TPM2: variants seen among roughly 807,000 people sequenced by gnomAD.
The protein encoded by TPM2 is tropomyosin beta chain.
A neutral mutation model predicts 41.0 loss-of-function variants in TPM2; 26 were observed. The ratio of observed to expected loss-of-function variants is 0.63; its 90% CI spans 0.46 to 0.88. The LOEUF is 0.88. Ranked by LOEUF, TPM2 falls within the 40% of genes least tolerant of loss-of-function variation. The pLI, the probability that TPM2 is intolerant of heterozygous loss-of-function variation, is 0.00. For synonymous variants in TPM2, 143 were observed against 139.3 expected, an observed-to-expected ratio of 1.03 and a Z score of -0.19; for missense variants, 187 against 355.2, an observed-to-expected ratio of 0.53 and a Z score of 3.81.
At chr9:35,683,263 G>A (rs1304879547) in intron 8 of TPM2, 22 bp from the exon 9 acceptor site, 2 of 1,547,928 alleles carry the variant, frequency 1.3e-6, no homozygotes, top group Non-Finnish European at 1.7e-6. Context: ...CCAGGGAGGG[G>A]ACCAGGTGGG....
In TPM2 at chr9:35,686,349, A is replaced by G. The variant is rs1009369038; in HGVS notation, c.241-569T>C. On this transcript the variant is annotated intron_variant, in intron 2 of 8. Transcript: ENST00000645482. The stretch of plus-strand genomic sequence containing the variant: ...GTGCACAGTTAGTCTCCCAAAGGTC[A>G]CCTGCACACAAGTCCTCCTGTTCCC... The G allele has an allele frequency of 4.2e-5, 7 of 166,592 alleles. No individual in the cohort carries two copies. The South Asian group carries it at 1.0e-3, about 25-fold the overall frequency. The allele number at this position is 166,592 out of a possible 1,614,324, so 10.3% of individuals were successfully genotyped here.
intron 2 of TPM2, among the ~76,000 whole-genome samples, chr9:35,686,003 C>A (rs1824884424): frequency 6.6e-6 from 1 of 152,242 alleles, no homozygotes; most frequent in African/African-American, 2.4e-5. Flanking sequence ...GTAATCCCCG[C>A]ACTCTGGGAG....
intron 2 of TPM2, among the ~76,000 whole-genome samples, chr9:35,688,357 G>A (rs1389473512): frequency 6.6e-6 from 1 of 152,212 alleles, no homozygotes; most frequent in Admixed American, 6.5e-5. Flanking sequence ...AATCCTGGGT[G>A]GAAGGAAGAT....
downstream of TPM2, chr9:35,682,340 C>T (rs1824612181): frequency 1.0e-6 from 1 of 962,334 alleles, no homozygotes. Context: ...ATGAGGGGAA[C>T]AGGACGGACG....
rs1441223471 is a variant in TPM2, at chr9:35,689,903, G to C, written c.-86C>G. ...GAGCGGACTGGGTGCACCGGTGGCA[G>C]GCGAGGAGGACGGAGCGGGACTGGG... On this transcript the variant is annotated 5_prime_UTR_variant, in exon 1 of 9. Transcript: ENST00000645482. The C allele has an allele frequency of 1.2e-6, 2 of 1,605,902 alleles. No homozygotes were observed. Among genetic ancestry groups the C allele is most frequent in the South Asian group, 1.1e-5 (1 of 90,930 alleles).
At chr9:35,682,853 G>A, downstream of TPM2, 2 of 1,433,168 alleles carry the variant, frequency 1.4e-6, no homozygotes, top group Non-Finnish European at 9.3e-7. Flanking sequence ...GTCAGTAAGT[G>A]CCAGGGTGTC....
At chr9:35,689,301 C>T (rs1563931970) in intron 1 of TPM2, 30 bp from the exon 2 acceptor site, 1 of 1,613,548 alleles carries the variant, frequency 6.2e-7, no homozygotes, top group Non-Finnish European at 8.5e-7. Flanking sequence ...GTCAGCCAGG[C>T]TGGGAGGGGG....
chr9:35,682,986 A>T lies in TPM2; in HGVS notation c.*173T>A. The T allele has an allele frequency of 6.5e-7, 1 of 1,533,168 alleles. No individual in the cohort carries two copies. Among genetic ancestry groups the T allele is most frequent in the Non-Finnish European group, 8.8e-7 (1 of 1,137,296 alleles). 95.0% of individuals were successfully genotyped at this position (1,533,168 alleles called of 1,614,324 possible). ...GAGGGTGGAAGGGGATAGGTAAAGGATGAAGCCAGTGCCAGAGTGGGTGGT... is the reference window on the plus strand; with the variant it reads ...GAGGGTGGAAGGGGATAGGTAAAGGTTGAAGCCAGTGCCAGAGTGGGTGGT... On this transcript the variant is annotated 3_prime_UTR_variant, in exon 9 of 9. Transcript: ENST00000645482.
chr9:35,685,177 T>TC lies in TPM2; in HGVS notation c.563+91dup. On this transcript the variant is annotated intron_variant, in intron 5 of 8. Transcript: ENST00000645482. The surrounding 1 kb of genome is among the most constrained non-coding windows in gnomAD (Gnocchi z 5.0). ...GGCAGGGGTCAGAGAACAGGGCCTG[T>TC]CCCTACAGCCCCAAGCCTAGGATGC... 3 of 1,614,044 alleles carry TC rather than the reference T, an allele frequency of 1.9e-6. No homozygotes were observed. The African/African-American group carries it at 4.0e-5, about 22-fold the overall frequency.
chr9:35,687,427 A>C (rs1157425907), intron 2 of TPM2, among the ~76,000 whole-genome samples: 2 of 152,136 alleles, frequency 1.3e-5, no homozygotes, highest in Admixed American at 1.3e-4. Flanking sequence ...CTGAGATTTC[A>C]GAGTGGAAAG....
rs1190994935 is a variant in TPM2 at position 35,685,239 on chromosome 9, G to T, written c.563+30C>A. On this transcript the variant is annotated intron_variant, in intron 5 of 8. Coordinates refer to ENST00000645482, the MANE Select transcript of TPM2 (RefSeq NM_003289.4). This position sits in a 1 kb window ranked among gnomAD's most constrained non-coding sequence, Gnocchi z 5.0. ...TGTGTGGAAGGCCCCAGGGCCAATG[G>T]GCTCACTTGTCACCCCCGGGTATCT... 6.2e-7 allele frequency: 1 copy of T among 1,614,052 alleles called. No homozygotes were observed. The highest frequency in any genetic ancestry group is 8.5e-7 in the Non-Finnish European group (1 of 1,180,022).
downstream of TPM2, chr9:35,682,198 GAC>G (rs1824601489): frequency 1.2e-6 from 2 of 1,609,882 alleles, no homozygotes; most frequent in South Asian, 2.2e-5. Context: ...GGAGAAGGGA[GAC>G]ACAAGGGGGA....
intron 8 of TPM2, 52 bp from the exon 9 acceptor site, chr9:35,683,293 A>T: frequency 6.7e-7 from 1 of 1,494,966 alleles, no homozygotes; most frequent in Non-Finnish European, 9.1e-7. Flanking sequence ...AAGGGAGTGG[A>T]GGGAAAGAGG....
chr9:35,685,675 C>A lies in TPM2; in HGVS notation c.346G>T (p.Ala116Ser). The change falls in exon 3 of 9, where the codon GCC becomes TCC. Residue 116 changes from alanine to serine, a missense_variant. By Grantham distance (99) the Ala-to-Ser change is moderately conservative (BLOSUM62 1). Transcript: ENST00000645482. This position sits in a 1 kb window ranked among gnomAD's most constrained non-coding sequence, Gnocchi z 5.0. ...TCGCTCTCATCAGCCGCCTTCTCGG[C>A]CTCCTCCAGCTTCTGCAGGGCTGTA... ...LATALQKLEE[A>S]EKAADESERG... is the part of the protein sequence containing the mutation. 4 of 1,614,180 alleles carry A rather than the reference C, an allele frequency of 2.5e-6. No homozygotes were observed. Among genetic ancestry groups the A allele is most frequent in the Non-Finnish European group, 3.4e-6 (4 of 1,180,030 alleles).
intron 2 of TPM2, among the ~76,000 whole-genome samples, chr9:35,686,950 GGCAGCCACGTGTTAAGAGC>G (rs1261306615): frequency 1.3e-5 from 2 of 152,198 alleles, no homozygotes. Flanking sequence ...AGAGGAGCAG[GGCAGCCACGTGTTAAGAGC>G]ATCGGCTCTG....
chr9:35,682,352 G>A, downstream of TPM2: 1 of 949,020 alleles, frequency 1.1e-6, no homozygotes, highest in Non-Finnish European at 1.6e-6. Flanking sequence ...GGACGGACGT[G>A]GATGCCTCAC....
At chr9:35,686,336 T>C (rs1824908987) in intron 2 of TPM2, 1 of 173,660 alleles carries the variant, frequency 5.8e-6, no homozygotes, top group Non-Finnish European at 1.2e-5. Flanking sequence ...GCACAGTTAG[T>C]CTCCCAAAGG....
rs1059780 is a variant in TPM2 at position 35,685,110 on chromosome 9, C to T, written c.563+159G>A. 10 of 1,614,168 alleles carry T rather than the reference C, an allele frequency of 6.2e-6. No homozygotes were observed. Among genetic ancestry groups the T allele is most frequent in the Middle Eastern group, 1.6e-4 (1 of 6,062 alleles). On this transcript the variant is annotated intron_variant, in intron 5 of 8. Transcript: ENST00000645482. This position sits in a 1 kb window ranked among gnomAD's most constrained non-coding sequence, Gnocchi z 5.0. ...GGACTTGAGGGCCTGGTCCATGGTT[C>T]GAAGTTCCTCCTCCAGCTGTCTGGC...
At chr9:35,682,891 G>A (rs753842089), downstream of TPM2, 23 of 1,477,766 alleles carry the variant, frequency 1.6e-5, no homozygotes, top group Non-Finnish European at 1.6e-5. Flanking sequence ...CCGTGGTGGC[G>A]ATAGAGGTGC....
Sources: allele counts gnomAD v4.1 joint callset (sites outside exome capture counted in the v4.1 genomes callset), GRCh38; gene constraint gnomAD v4.1.1; non-coding constraint Gnocchi (gnomAD v3.1); transcripts MANE v1.5; gene names NCBI Gene and HGNC (gene_info 2026-07-23, HGNC 2026-07-21).